The following NLRC5 variants were observed in gnomAD, a reference collection of about 807,000 sequenced individuals.
The protein encoded by NLRC5 is protein NLRC5.
In NLRC5, 114 loss-of-function variants were observed where a neutral mutation model predicts 206.9. That is an observed-to-expected ratio of 0.55 (90% CI 0.47 to 0.64). The LOEUF is 0.64. NLRC5 is among the 30% of genes least tolerant of loss of function. The pLI is 0.00. For synonymous variants in NLRC5, 952 were observed against 962.8 expected (o/e 0.99, Z 0.21); for missense variants, 2,008 against 2,305.5 (o/e 0.87, Z 2.64).
At chr16:56,999,610 C>A (rs1294536808) in intron 1 of NLRC5, among the ~76,000 whole-genome samples, 1 of 152,246 alleles carries the variant, frequency 6.6e-6, no homozygotes, top group Non-Finnish European at 1.5e-5. Flanking sequence ...TGTGCCAAGC[C>A]CTGGCAGAGC....
At chr16:57,053,005 G>A (rs2065136211) in intron 24 of NLRC5, 1 of 152,208 alleles carries the variant, frequency 6.6e-6, no homozygotes, top group Non-Finnish European at 1.5e-5. Context: ...TAGTGCTTGT[G>A]GCCCTACTGT....
At position 57,042,011 on chromosome 16, in the gene NLRC5, G is replaced by T; in HGVS notation, c.3059G>T (p.Gly1020Val). ...DFSGNALGDE[G>V]AARLAQLLPG... ...TCAGGCAATGCTCTGGGGGATGAAG[G>T]TGCAGCCCGGCTGGCTCAGCTGCTC... The change falls in exon 19 of 49, where the codon GGT becomes GTT. Residue 1020 changes from glycine (G) to valine (V), a missense_variant. Coordinates refer to ENST00000688547, the MANE Select transcript of NLRC5 (RefSeq NM_001384950.1). 1.3e-6 allele frequency: 2 copies of T among 1,578,164 alleles called. No homozygotes were observed. The highest frequency in any genetic ancestry group is 1.7e-6 in the Non-Finnish European group (2 of 1,165,760).
chr16:57,023,024 A>G (rs1326195562), intron 4 of NLRC5, among the ~76,000 whole-genome samples: 2 of 152,230 alleles, frequency 1.3e-5, no homozygotes, highest in Middle Eastern at 3.4e-3. Flanking sequence ...GTCCCTTTTT[A>G]ATATAGGATT....
intron 1 of NLRC5, among the ~76,000 whole-genome samples, chr16:57,002,071 A>G (rs547087396): frequency 6.6e-6 from 1 of 152,300 alleles, no homozygotes; most frequent in East Asian, 1.9e-4. Flanking sequence ...TGTCCTTGCA[A>G]ATGATGGGAT....
rs763951212 is a variant in NLRC5 at position 57,026,461 on chromosome 16, G to A, written c.1518G>A (p.Gln506=). 6.2e-7 allele frequency: 1 copy of A among 1,614,154 alleles called. No homozygotes were observed. Among genetic ancestry groups the A allele is most frequent in the African/African-American group, 1.3e-5 (1 of 75,068 alleles). ...GCGTCTGCACAGGCCCTGGGCACCAGCAGACAGGCTATGCTTTCACCCACC... is the reference window on the plus strand; with the variant it reads ...GCGTCTGCACAGGCCCTGGGCACCAACAGACAGGCTATGCTTTCACCCACC... ...SFCVCTGPGH[Q]QTGYAFTHLS... is the part of the protein sequence containing the mutation. The change falls in exon 6 of 49, where the codon CAG becomes CAA. Residue 506 remains glutamine, a synonymous_variant. Transcript: ENST00000688547.
intron 48 of NLRC5, 123 bp downstream of exon 48, chr16:57,081,733 C>T (rs911174309): frequency 3.9e-6 from 3 of 771,788 alleles, no homozygotes; most frequent in African/African-American, 3.5e-5. Flanking sequence ...AGACTTGGAC[C>T]ACTCCACCAA....
intron 37 of NLRC5, 71 bp downstream of exon 37, chr16:57,069,990 G>T (rs1229338448): frequency 7.8e-7 from 1 of 1,286,440 alleles, no homozygotes; most frequent in African/African-American, 1.5e-5. Flanking sequence ...AGAGAGCAGG[G>T]CGTTTGGGAG....
chr16:57,028,381 G>T lies in NLRC5; in HGVS notation c.2239G>T (p.Val747Phe), dbSNP rs1308999920. ...GCCTCTCTGTCCACAGCTGAAAGAA[G>T]TCAGGTGAGTGATCTCCAGGAGGGC... ...ALPLCPQLKE[V>F]SFRDNQLSDQ... Residue 747 changes from valine to phenylalanine, a missense_variant, in exon 8 of 49, where the codon GTC becomes TTC. Physicochemically the swap from Val to Phe is conservative, Grantham distance 50. Transcript: ENST00000688547. 2 of 1,613,570 alleles carry T rather than the reference G, an allele frequency of 1.2e-6. No homozygotes were observed. The highest frequency in any genetic ancestry group is 1.7e-6 in the Non-Finnish European group (2 of 1,179,580).
chr16:57,034,824 G>C (rs2062328040), intron 13 of NLRC5: 1 of 152,430 alleles, frequency 6.6e-6, no homozygotes, highest in Non-Finnish European at 1.5e-5. Context: ...GTAGTGCTTG[G>C]GGATGGACGG....
intron 1 of NLRC5, among the ~76,000 whole-genome samples, chr16:57,009,068 G>T (rs1239949353): frequency 1.3e-5 from 2 of 152,068 alleles, no homozygotes; most frequent in Non-Finnish European, 2.9e-5. Flanking sequence ...CGAGGTGGGT[G>T]GATCATGAGG....
intron 20 of NLRC5, among the ~76,000 whole-genome samples, chr16:57,044,520 C>T (rs1381165875): frequency 2.6e-5 from 4 of 152,130 alleles, no homozygotes; most frequent in African/African-American, 7.2e-5. Flanking sequence ...GGAGGTGCCA[C>T]AGCAGATGGA....
chr16:57,021,320 G>A (rs2060650492), intron 3 of NLRC5, among the ~76,000 whole-genome samples: 2 of 151,682 alleles, frequency 1.3e-5, no homozygotes, highest in South Asian at 4.2e-4. Flanking sequence ...GGGGTGGGGG[G>A]GTGTTTTTTG....
intron 14 of NLRC5, 76 bp downstream of exon 14, chr16:57,036,259 G>A: frequency 1.5e-6 from 2 of 1,355,336 alleles, no homozygotes; most frequent in Non-Finnish European, 2.1e-6. Flanking sequence ...TTCGTAATCA[G>A]CAGTAAGGGT....
In NLRC5 at chr16:57,003,047, G is replaced by GTGTTTGTTTGTT. The variant is rs141689188; in HGVS notation, c.-128+13449_-128+13460dup. On this transcript the variant is annotated intron_variant, in intron 1 of 48. Transcript: ENST00000688547. ...CTCCCTTTTCTCCACATAGATTGAGGTGTTTGTTTGTTTGTTTGTTTGTTT... is the reference window on the plus strand; with the variant it reads ...CTCCCTTTTCTCCACATAGATTGAGGTGTTTGTTTGTTTGTTTGTTTGTTTGTTTGTTTGTTT... Among the ~76,000 whole-genome samples, 790 of 150,150 alleles carry GTGTTTGTTTGTT rather than the reference G, an allele frequency of 5.3e-3. 9 individuals carry two copies. Among genetic ancestry groups the GTGTTTGTTTGTT allele is most frequent in the African/African-American group, 0.017 (715 of 40,884 alleles).
At chr16:57,047,400 G>C in intron 22 of NLRC5, 145 bp from the exon 23 acceptor site, 1 of 677,092 alleles carries the variant, frequency 1.5e-6, no homozygotes, top group South Asian at 1.8e-5. Context: ...GGAGACTCGA[G>C]AGGGAAGCGA....
rs146026018 is a variant in NLRC5 at position 57,079,275 on chromosome 16, G to A, written c.5220G>A (p.Pro1740=). 170 of 1,613,440 alleles carry A rather than the reference G, an allele frequency of 1.1e-4. No individual in the cohort carries two copies. The African/African-American group carries it at 1.6e-3, about 15-fold the overall frequency. Residue 1740 remains proline (P), a synonymous_variant, in exon 45 of 49, where the codon CCG becomes CCA. Transcript: ENST00000688547. ...GGVLRFCMEL[P]LLRQIDLVSC... ...TCCTGCGTTTCTGTATGGAGCTCCC[G>A]CTGCTCAGACAGATAGAGTAAGTAG...
chr16:57,077,679 G>C (rs1031560346), intron 41 of NLRC5, 40 bp from the exon 42 acceptor site: 3 of 1,528,442 alleles, frequency 2.0e-6, no homozygotes, highest in Non-Finnish European at 8.8e-7. Context: ...GTCGGGGAGA[G>C]GGGGCATCAG....
In NLRC5 at chr16:57,059,524, G is replaced by T. The variant is rs117950337; in HGVS notation, c.3978G>T (p.Lys1326Asn). 0.025 allele frequency: 40,060 copies of T among 1,611,400 alleles called. 623 individuals carry two copies. The highest frequency in any genetic ancestry group is 0.041 in the Middle Eastern group (249 of 6,042). ...IHFSREDQAG[K>N]TLRLSECSFR... Reference sequence around the variant, plus strand: ...TCTCCAGAGAGGACCAGGCTGGGAAGACACTCAGGTAATCCCTGCAGGGTG... The same window carrying T: ...TCTCCAGAGAGGACCAGGCTGGGAATACACTCAGGTAATCCCTGCAGGGTG... Residue 1326 changes from lysine (K) to asparagine (N), a missense_variant, in exon 30 of 49, where the codon AAG (lysine) becomes AAT (asparagine). Transcript: ENST00000688547.
rs1449588269 is a variant in NLRC5 at position 57,002,646 on chromosome 16, T to G, written c.-128+13029T>G. ...CTAAATTTAGTTTAGTTTTTTTTTG[T>G]TTTTTTTTTTTTTTTGAGACAGAGT... On this transcript the variant is annotated intron_variant, in intron 1 of 48. Transcript: ENST00000688547. 0.042 allele frequency among the ~76,000 whole-genome samples: 92 copies of G among 2,206 alleles called. 1 individual carries two copies. The East Asian group carries it at 0.43, about 10-fold the overall frequency. The allele number at this position is 2,206 out of a possible 152,430, so 1.4% of individuals were successfully genotyped here.
Sources: gnomAD v4.1 joint callset for allele counts (sites outside exome capture counted in the v4.1 genomes callset) on GRCh38, gnomAD v4.1.1 for gene constraint, MANE v1.5 for transcripts, NCBI Gene and HGNC (gene_info 2026-07-23, HGNC 2026-07-21) for gene names.